Variants in ADCK1 observed in about 807,000 individuals in gnomAD.
ADCK1 encodes the protein aarF domain containing kinase 1.
ADCK1 carries 41 observed loss-of-function variants against 52.3 expected under a neutral mutation model. The observed-to-expected ratio is 0.78, with a 90% CI of 0.61 to 1.02. ADCK1 has a LOEUF of 1.02. ADCK1 is among the 50% of genes least tolerant of loss of function. The pLI, the probability that ADCK1 is intolerant of heterozygous loss-of-function variation, is 0.00. For missense variants in ADCK1, 658 were observed against 679.5 expected (o/e 0.97, Z 0.35); for synonymous variants, 250 against 274.6 (o/e 0.91, Z 0.89).
intron 6 of ADCK1, among the ~76,000 whole-genome samples, chr14:77,907,264 T>C (rs2083687666): frequency 6.6e-6 from 1 of 152,170 alleles, no homozygotes. Flanking sequence ...TGGGAATAGA[T>C]GTTGGGTTAA....
At position 77,883,648 on chromosome 14, in the gene ADCK1, G is replaced by A. The variant is rs567401945; in HGVS notation, c.424-3443G>A. Among the ~76,000 whole-genome samples, 9 of 152,288 alleles carry A rather than the reference G, an allele frequency of 5.9e-5. No individual in the cohort carries two copies. The East Asian group carries it at 9.6e-4, about 16-fold the overall frequency. The stretch of plus-strand genomic sequence containing the variant: ...TGCTTAAGCACAGGAGGGTGTGGGC[G>A]TGTGACTTGCTTCCTGATAGAGAAG... On this transcript the variant is annotated intron_variant, in intron 4 of 10. Transcript: ENST00000238561.
Position 77,924,456 on chromosome 14 carries a change from G to C in ADCK1, c.859-1G>C, listed in dbSNP as rs1430860611. ...TCCCACCTGCCCCTCTTCTCTTTCA[G>C]ATCTCACGCCACCTGGGCAAGATGT... On this transcript the variant is annotated splice_acceptor_variant, in intron 7 of 10. Transcript: ENST00000238561. LOFTEE classifies it high-confidence loss of function. 1 of 1,613,846 alleles carries C rather than the reference G, an allele frequency of 6.2e-7. No homozygotes were observed. Among genetic ancestry groups the C allele is most frequent in the Non-Finnish European group, 8.5e-7 (1 of 1,179,988 alleles).
At chr14:77,820,688 G>T (rs1186302003) in intron 2 of ADCK1, among the ~76,000 whole-genome samples, 3 of 150,910 alleles carry the variant, frequency 2.0e-5, no homozygotes, top group Admixed American at 6.7e-5. Context: ...ATATATGGTT[G>T]AGTAATGCCT....
At chr14:77,905,589 GT>G (rs1158027501) in intron 6 of ADCK1, among the ~76,000 whole-genome samples, 1 of 152,062 alleles carries the variant, frequency 6.6e-6, no homozygotes, top group South Asian at 2.1e-4. Flanking sequence ...TCAAAGGTAG[GT>G]TTACAAACAA....
At position 77,934,217 on chromosome 14, in the gene ADCK1, T is replaced by C. The variant is rs1372823283; in HGVS notation, c.*826T>C. 6.6e-6 allele frequency: 1 copy of C among 151,938 alleles called. No homozygotes were observed. Among genetic ancestry groups the C allele is most frequent in the Admixed American group, 6.6e-5 (1 of 15,244 alleles). The allele number at this position is 151,938 out of a possible 1,614,324, so 9.4% of individuals were successfully genotyped here. A position where few individuals can be genotyped will look rare whatever the true frequency, so the allele number is the denominator to read the frequency against. On this transcript the variant is annotated 3_prime_UTR_variant, in exon 11 of 11. Coordinates refer to ENST00000238561, the MANE Select transcript of ADCK1 (RefSeq NM_020421.4). The stretch of plus-strand genomic sequence containing the variant: ...TGTGATCTTCTGCTTGGCTTCTTGC[T>C]CCTGTAATCCTTCCAACCTGTGGGG...
intron 1 of ADCK1, among the ~76,000 whole-genome samples, chr14:77,806,571 C>G (rs1156695290): frequency 6.6e-6 from 1 of 152,098 alleles, no homozygotes; most frequent in Non-Finnish European, 1.5e-5. Flanking sequence ...TTTCAGTGTG[C>G]CTTTCGTGGA....
At chr14:77,814,212 A>G (rs1236886964) in intron 1 of ADCK1, among the ~76,000 whole-genome samples, 1 of 151,630 alleles carries the variant, frequency 6.6e-6, no homozygotes, top group Non-Finnish European at 1.5e-5. Flanking sequence ...CCAAGTAGCT[A>G]GGACAACAGG....
chr14:77,897,357 T>C (rs2083433209), intron 5 of ADCK1, among the ~76,000 whole-genome samples: 1 of 152,188 alleles, frequency 6.6e-6, no homozygotes, highest in African/African-American at 2.4e-5. Context: ...TCACCCTTGC[T>C]CACCCACTAC....
chr14:77,873,466 C>T (rs976395800), intron 4 of ADCK1, among the ~76,000 whole-genome samples: 12 of 152,264 alleles, frequency 7.9e-5, no homozygotes, highest in East Asian at 7.7e-4. Flanking sequence ...CATAAGTGTG[C>T]GTGTGTGTGC....
chr14:77,919,784 A>T (rs559046519), intron 7 of ADCK1, among the ~76,000 whole-genome samples: 1 of 152,246 alleles, frequency 6.6e-6, no homozygotes, highest in Non-Finnish European at 1.5e-5. Flanking sequence ...TTCTTTCAGG[A>T]GTAAGGTGGT....
chr14:77,832,770 G>C (rs1594897776), intron 3 of ADCK1, among the ~76,000 whole-genome samples: 1 of 152,162 alleles, frequency 6.6e-6, no homozygotes, highest in Non-Finnish European at 1.5e-5. Flanking sequence ...TGCCAGTTTT[G>C]AGGATAACCA....
intron 7 of ADCK1, among the ~76,000 whole-genome samples, chr14:77,916,091 A>G (rs2083918597): frequency 6.6e-6 from 1 of 152,036 alleles, no homozygotes. Context: ...CCCTTTCCCC[A>G]TTTTTCATAT....
intron 1 of ADCK1, among the ~76,000 whole-genome samples, chr14:77,809,135 T>C (rs2081285948): frequency 6.6e-6 from 1 of 151,888 alleles, no homozygotes; most frequent in Non-Finnish European, 1.5e-5. Context: ...TTGAGTGTCT[T>C]GCAAGGAGTT....
intron 1 of ADCK1, among the ~76,000 whole-genome samples, chr14:77,806,902 A>G (rs2081235518): frequency 6.6e-6 from 1 of 151,580 alleles, no homozygotes; most frequent in African/African-American, 2.4e-5. Flanking sequence ...TTTAGGAGAG[A>G]TGGTGTTTCA....
intron 4 of ADCK1, among the ~76,000 whole-genome samples, chr14:77,865,577 A>C (rs1287465421): frequency 6.6e-6 from 1 of 152,180 alleles, no homozygotes; most frequent in Non-Finnish European, 1.5e-5. Flanking sequence ...TTGACATGTA[A>C]AATTAACCAT....
intron 7 of ADCK1, among the ~76,000 whole-genome samples, chr14:77,917,892 A>G (rs2083962313): frequency 1.3e-5 from 2 of 152,104 alleles, no homozygotes; most frequent in African/African-American, 2.4e-5. Context: ...CTCTGTCTCC[A>G]GGAGGAGCTT....
At chr14:77,802,108 C>T (rs569712165) in intron 1 of ADCK1, among the ~76,000 whole-genome samples, 2 of 151,412 alleles carry the variant, frequency 1.3e-5, no homozygotes, top group South Asian at 4.2e-4. Context: ...TGGGAGCAGT[C>T]ATACATGGAT....
chr14:77,877,236 G>A (rs893241622), intron 4 of ADCK1, among the ~76,000 whole-genome samples: 1 of 152,146 alleles, frequency 6.6e-6, no homozygotes, highest in African/African-American at 2.4e-5. Flanking sequence ...AAAACACAAA[G>A]GGCTTTGGTA....
chr14:77,878,031 T>G (rs1426966460), intron 4 of ADCK1, among the ~76,000 whole-genome samples: 1 of 152,226 alleles, frequency 6.6e-6, no homozygotes, highest in Non-Finnish European at 1.5e-5. Context: ...GAGCATAGGC[T>G]CTTATGGTGC....
Sources: gnomAD v4.1 joint callset for allele counts (sites outside exome capture counted in the v4.1 genomes callset) on GRCh38, gnomAD v4.1.1 for gene constraint, MANE v1.5 for transcripts, NCBI Gene and HGNC (gene_info 2026-07-23, HGNC 2026-07-21) for gene names.